The following SV2C variants were observed in gnomAD, a reference collection of about 807,000 sequenced individuals.
SV2C encodes solute carrier family 22 member B3.
SV2C carries 49 observed loss-of-function variants against 79.7 expected under a neutral mutation model. That is an observed-to-expected ratio of 0.61 (90% CI 0.49 to 0.78). SV2C has a LOEUF of 0.78. Ranked by LOEUF, SV2C falls within the 30% of genes least tolerant of loss-of-function variation. The pLI is 0.00. For missense variants in SV2C, 833 were observed against 912.9 expected (o/e 0.91, Z 1.13); for synonymous variants, 334 against 333.2 (o/e 1.00, Z -0.03).
chr5:75,890,512 A>G, the SV2C span, among the ~76,000 whole-genome samples: 1 of 152,080 alleles, frequency 6.6e-6, no homozygotes, highest in Non-Finnish European at 1.5e-5. Context: ...CCATCATTCC[A>G]TCACTGATAA....
chr5:76,030,292 T>TA, the SV2C span, among the ~76,000 whole-genome samples: 3 of 72,256 alleles, frequency 4.2e-5, no homozygotes, highest in Non-Finnish European at 7.9e-5. Flanking sequence ...TTTTTTTTTT[T>TA]ATTTATTCCT....
the SV2C span, among the ~76,000 whole-genome samples, chr5:76,044,734 CT>C: frequency 1.3e-5 from 2 of 152,124 alleles, no homozygotes; most frequent in African/African-American, 4.8e-5. Flanking sequence ...TGTTCATGTC[CT>C]TTGCCCCCTT....
At chr5:76,031,885 T>A in the SV2C span, among the ~76,000 whole-genome samples, 2 of 152,230 alleles carry the variant, frequency 1.3e-5, no homozygotes, top group Non-Finnish European at 2.9e-5. Flanking sequence ...TATTTGGTTT[T>A]CAGCTTTCCA....
At chr5:76,088,686 C>A in intron 1 of SV2C, among the ~76,000 whole-genome samples, 1 of 152,300 alleles carries the variant, frequency 6.6e-6, no homozygotes. Context: ...GACATACTTA[C>A]ATTATTTGTT....
chr5:76,303,675 A>G (rs1328798038), intron 12 of SV2C, among the ~76,000 whole-genome samples: 1 of 152,234 alleles, frequency 6.6e-6, no homozygotes, highest in African/African-American at 2.4e-5. Context: ...GAAATTGGTC[A>G]GGTCCTTCCT....
the SV2C span, among the ~76,000 whole-genome samples, chr5:76,038,126 A>G: frequency 6.6e-6 from 1 of 152,124 alleles, no homozygotes; most frequent in African/African-American, 2.4e-5. Context: ...GCACCCACTG[A>G]CCTGCGCCCA....
the SV2C span, among the ~76,000 whole-genome samples, chr5:75,923,529 G>A: frequency 1.9e-4 from 29 of 152,060 alleles, no homozygotes; most frequent in Middle Eastern, 3.4e-3. Flanking sequence ...ATCTGACAAA[G>A]GACTAGTATC....
intron 2 of SV2C, among the ~76,000 whole-genome samples, chr5:76,184,968 C>T (rs550808857): frequency 3.7e-4 from 56 of 152,294 alleles, no homozygotes; most frequent in Non-Finnish European, 6.6e-4. Context: ...TCCTATGAGC[C>T]TGTAAAATCA....
At chr5:75,900,537 G>T in the SV2C span, among the ~76,000 whole-genome samples, 1 of 152,072 alleles carries the variant, frequency 6.6e-6, no homozygotes, top group African/African-American at 2.4e-5. Flanking sequence ...TGACAATTAT[G>T]TGTCTTGGAG....
chr5:76,254,144 T>TTA (rs33938268), intron 4 of SV2C, among the ~76,000 whole-genome samples: 2,083 of 146,984 alleles, frequency 0.014, 26 homozygotes, highest in East Asian at 0.046. Context: ...ATATGTGTTA[T>TTA]TATATATATA....
intron 12 of SV2C, among the ~76,000 whole-genome samples, chr5:76,308,471 A>T (rs1748287610): frequency 1.3e-5 from 2 of 152,126 alleles, no homozygotes; most frequent in African/African-American, 4.8e-5. Context: ...CTACCACCAG[A>T]CCTTTGCTGA....
Position 76,280,223 on chromosome 5 carries a change from T to TAG in SV2C, c.914-4927_914-4926dup, listed in dbSNP as rs141022315. Among the ~76,000 whole-genome samples the TAG allele has an allele frequency of 6.6e-5, 10 of 151,412 alleles. No homozygotes were observed. In the South Asian group the frequency reaches 1.5e-3, roughly 22 times the overall value. On this transcript the variant is annotated intron_variant, in intron 4 of 12. Transcript: ENST00000502798. ...AGAAATGAGTGGACAACACACCCTT[T>TAG]AGAGAGAGAGAGACACCACCAGCAT...
rs547234620 is a variant in SV2C, at chr5:76,205,494, CTT to C, written c.762-4241_762-4240del. 1.6e-3 allele frequency among the ~76,000 whole-genome samples: 243 copies of C among 152,186 alleles called. 1 individual carries two copies. The highest frequency in any genetic ancestry group is 4.9e-3 in the African/African-American group (205 of 41,544). ...CATTTTTGACAGCTAATAAAATAGA[CTT>C]AATATCCAATACTGAGAAAAATTCT... On this transcript the variant is annotated intron_variant, in intron 3 of 12. Coordinates refer to ENST00000502798, the MANE Select transcript of SV2C (RefSeq NM_014979.4).
chr5:76,008,026 C>T, the SV2C span, among the ~76,000 whole-genome samples: 3 of 152,166 alleles, frequency 2.0e-5, no homozygotes, highest in Non-Finnish European at 4.4e-5. Flanking sequence ...CCATTTGCCT[C>T]ATTCCGTGAG....
the SV2C span, among the ~76,000 whole-genome samples, chr5:75,852,150 A>G: frequency 6.6e-6 from 1 of 152,012 alleles, no homozygotes; most frequent in Non-Finnish European, 1.5e-5. Flanking sequence ...AACATCACAC[A>G]CCAGGGCCTG....
chr5:76,004,692 C>T, the SV2C span, among the ~76,000 whole-genome samples: 1 of 152,132 alleles, frequency 6.6e-6, no homozygotes, highest in Non-Finnish European at 1.5e-5. Context: ...TTGTGTGACA[C>T]GCCCTCAGAT....
At chr5:75,867,420 G>C in the SV2C span, among the ~76,000 whole-genome samples, 1 of 152,134 alleles carries the variant, frequency 6.6e-6, no homozygotes, top group African/African-American at 2.4e-5. Context: ...AGGACAATAT[G>C]CTGGGAGAAC....
intron 2 of SV2C, among the ~76,000 whole-genome samples, chr5:76,151,049 T>C (rs1199526187): frequency 6.6e-6 from 1 of 152,152 alleles, no homozygotes; most frequent in Admixed American, 6.5e-5. Flanking sequence ...GTCATCAGAA[T>C]GACACAGGAA....
chr5:76,191,722 G>A (rs765138131), intron 2 of SV2C, among the ~76,000 whole-genome samples: 5 of 152,218 alleles, frequency 3.3e-5, no homozygotes, highest in Non-Finnish European at 4.4e-5. Context: ...TCATACTTGA[G>A]GCCTTTGTGT....
Sources: allele counts gnomAD v4.1 joint callset (sites outside exome capture counted in the v4.1 genomes callset), GRCh38; gene constraint gnomAD v4.1.1; transcripts MANE v1.5; gene names NCBI Gene and HGNC (gene_info 2026-07-23, HGNC 2026-07-21).